ITGA9: variants seen among roughly 807,000 people sequenced by gnomAD.
The protein encoded by ITGA9 is integrin subunit alpha 9, also known as integrin alpha-9.
In ITGA9, 56 loss-of-function variants were observed where a neutral mutation model predicts 127.8. The ratio of observed to expected loss-of-function variants is 0.44; its 90% CI spans 0.35 to 0.55. ITGA9 has a LOEUF of 0.55. Ranked by LOEUF, ITGA9 falls within the 20% of genes least tolerant of loss-of-function variation. The pLI is 0.00. For missense variants in ITGA9, 1,196 were observed against 1,347.1 expected (o/e 0.89, Z 1.76); for synonymous variants, 508 against 514.5 (o/e 0.99, Z 0.17).
intron 6 of ITGA9, 63 bp from the exon 7 acceptor site, chr3:37,505,937 A>G: frequency 8.6e-7 from 1 of 1,163,050 alleles, no homozygotes. Context: ...CCTCTGATGG[A>G]TGTTTTTTTT....
intron 15 of ITGA9, among the ~76,000 whole-genome samples, chr3:37,594,393 C>A (rs2125616860): frequency 6.6e-6 from 1 of 152,326 alleles, no homozygotes; most frequent in Middle Eastern, 3.4e-3. Context: ...CTGCCTCTTC[C>A]TTTCCTTCTG....
At chr3:37,456,161 C>G (rs986595390) in intron 1 of ITGA9, among the ~76,000 whole-genome samples, 11 of 152,266 alleles carry the variant, frequency 7.2e-5, no homozygotes, top group Non-Finnish European at 1.3e-4. Flanking sequence ...GTGCTCTGGG[C>G]AGTGAGAACT....
chr3:37,808,233 C>G (rs1330663286), intron 27 of ITGA9: 1 of 152,318 alleles, frequency 6.6e-6, no homozygotes, highest in East Asian at 1.9e-4. Flanking sequence ...GATCAGCCAC[C>G]TCTGATTCCT....
chr3:37,685,795 G>A (rs1297145336), intron 18 of ITGA9, among the ~76,000 whole-genome samples: 1 of 152,076 alleles, frequency 6.6e-6, no homozygotes, highest in Non-Finnish European at 1.5e-5. Flanking sequence ...GACTGACTAG[G>A]CTTCATTCTC....
chr3:37,550,584 C>T (rs538442655), intron 15 of ITGA9, among the ~76,000 whole-genome samples: 4 of 152,282 alleles, frequency 2.6e-5, no homozygotes, highest in Non-Finnish European at 4.4e-5. Flanking sequence ...AAGAGATGCA[C>T]AATAGCACAC....
At chr3:37,757,495 C>G (rs1433745359) in intron 23 of ITGA9, among the ~76,000 whole-genome samples, 1 of 151,504 alleles carries the variant, frequency 6.6e-6, no homozygotes, top group East Asian at 1.9e-4. Context: ...GACCTTGTCT[C>G]CACAAAAAAT....
At chr3:37,694,111 G>T (rs1023925774) in intron 18 of ITGA9, among the ~76,000 whole-genome samples, 4 of 152,078 alleles carry the variant, frequency 2.6e-5, no homozygotes, top group Non-Finnish European at 5.9e-5. Context: ...CCTGTATAAC[G>T]CCAGGTAGAA....
At chr3:37,512,032 C>CT (rs1409849237) in intron 8 of ITGA9, among the ~76,000 whole-genome samples, 2 of 23,334 alleles carry the variant, frequency 8.6e-5, no homozygotes, top group African/African-American at 1.1e-4. Flanking sequence ...TCTTTTCTTT[C>CT]TTTCTTTCTT....
Position 37,819,132 on chromosome 3 carries a change from G to C in ITGA9, c.*143G>C, listed in dbSNP as rs970590502. The C allele has an allele frequency of 6.9e-6, 5 of 728,672 alleles. No individual in the cohort carries two copies. The African/African-American group carries it at 8.8e-5, about 13-fold the overall frequency. 45.1% of individuals were successfully genotyped at this position (728,672 alleles called of 1,614,324 possible). ...CTCTTCTTCATTCTATCAAGCCCAG[G>C]TGCCAGCCTGAGGCAGCCACTTCGG... On this transcript the variant is annotated 3_prime_UTR_variant, in exon 28 of 28. Transcript: ENST00000264741.
At chr3:37,786,099 G>A (rs1010809853) in intron 26 of ITGA9, among the ~76,000 whole-genome samples, 11 of 152,256 alleles carry the variant, frequency 7.2e-5, no homozygotes, top group Admixed American at 4.6e-4. Context: ...GACAGCAGCC[G>A]ATGCACTTCT....
chr3:37,684,156 T>C (rs905755297), intron 18 of ITGA9, 141 bp downstream of exon 18: 29 of 837,386 alleles, frequency 3.5e-5, no homozygotes, highest in Non-Finnish European at 5.6e-5. Flanking sequence ...AGAACTTTTT[T>C]CTTCCTGGGC....
At chr3:37,613,301 T>G (rs1333671926) in intron 15 of ITGA9, among the ~76,000 whole-genome samples, 1 of 152,238 alleles carries the variant, frequency 6.6e-6, no homozygotes. Context: ...AGTCATCATT[T>G]TTTATGGCTG....
intron 17 of ITGA9, among the ~76,000 whole-genome samples, chr3:37,658,514 T>G (rs1192984990): frequency 6.6e-6 from 1 of 152,134 alleles, no homozygotes; most frequent in African/African-American, 2.4e-5. Flanking sequence ...CAACCCCTAC[T>G]CTCTTTTGCT....
At chr3:37,475,453 T>C (rs995827702) in intron 3 of ITGA9, among the ~76,000 whole-genome samples, 1 of 152,154 alleles carries the variant, frequency 6.6e-6, no homozygotes, top group African/African-American at 2.4e-5. Flanking sequence ...CAGATCAGTA[T>C]CACAAAGGAG....
intron 15 of ITGA9, among the ~76,000 whole-genome samples, chr3:37,589,357 G>A (rs780451744): frequency 5.3e-5 from 8 of 152,310 alleles, no homozygotes; most frequent in Non-Finnish European, 1.0e-4. Context: ...CTGGTAGCAT[G>A]GGACTTACCA....
chr3:37,585,689 A>G (rs1253456164), intron 15 of ITGA9: 2 of 508,318 alleles, frequency 3.9e-6, no homozygotes, highest in East Asian at 5.8e-5. Context: ...TACAGGTGAA[A>G]CGTAACAATA....
intron 27 of ITGA9, among the ~76,000 whole-genome samples, chr3:37,817,261 G>A (rs538090172): frequency 6.6e-6 from 1 of 152,328 alleles, no homozygotes; most frequent in East Asian, 1.9e-4. Flanking sequence ...AGACTGCAGA[G>A]AGTCTTAAGG....
chr3:37,598,717 C>T (rs948234083), intron 15 of ITGA9, among the ~76,000 whole-genome samples: 2 of 152,116 alleles, frequency 1.3e-5, no homozygotes, highest in African/African-American at 2.4e-5. Flanking sequence ...CCTCTGCTTA[C>T]AAAACTTTAT....
At chr3:37,818,692 G>A (rs189699202) in intron 27 of ITGA9, 199 bp from the exon 28 acceptor site, 293 of 619,220 alleles carry the variant, frequency 4.7e-4, no homozygotes, top group Non-Finnish European at 4.2e-4. Flanking sequence ...AATATCACCC[G>A]CAGGAAGTCC....
Sources: gnomAD v4.1 joint callset for allele counts (sites outside exome capture counted in the v4.1 genomes callset) on GRCh38, gnomAD v4.1.1 for gene constraint, MANE v1.5 for transcripts, NCBI Gene and HGNC (gene_info 2026-07-23, HGNC 2026-07-21) for gene names.